The following TRIM49 variants were observed in gnomAD, a reference collection of about 807,000 sequenced individuals.
The protein encoded by TRIM49 is tripartite motif containing 49.
Under a neutral mutation model 27.4 loss-of-function variants are expected in TRIM49, and 5 were observed. The observed-to-expected ratio is 0.18, with a 90% CI of 0.10 to 0.38. TRIM49 has a LOEUF of 0.38. TRIM49 is among the 10% of genes least tolerant of loss of function. TRIM49 has a pLI of 1.00. For missense variants in TRIM49, 188 were observed against 487.5 expected (o/e 0.39, Z 5.79); for synonymous variants, 69 against 166.0 (o/e 0.42, Z 4.49).
the TRIM49 span, among the ~76,000 whole-genome samples, chr11:89,790,591 C>A: frequency 1.9e-4 from 29 of 151,972 alleles, no homozygotes; most frequent in Admixed American, 1.9e-3. Flanking sequence ...TGCTGTTCAG[C>A]AATATTCACT....
At chr11:89,803,859 G>A in intron 3 of TRIM49, 66 bp from the exon 4 acceptor site, 3 of 808,532 alleles carry the variant, frequency 3.7e-6, no homozygotes, top group Admixed American at 5.8e-5. Context: ...CCCAGAATGA[G>A]AGACAAATAA....
At chr11:89,804,763 T>C (rs1363047213) in intron 2 of TRIM49, among the ~76,000 whole-genome samples, 1 of 151,390 alleles carries the variant, frequency 6.6e-6, no homozygotes, top group African/African-American at 2.4e-5. Flanking sequence ...ATCTGGAAAT[T>C]GGGTTTTGAT....
At chr11:89,769,179 A>AAAAC in the TRIM49 span, among the ~76,000 whole-genome samples, 1 of 129,608 alleles carries the variant, frequency 7.7e-6, no homozygotes, top group Non-Finnish European at 1.5e-5. Context: ...ACTCTGTCTC[A>AAAAC]AAACAAACAA....
At chr11:89,786,817 C>T in the TRIM49 span, 2 of 139,158 alleles carry the variant, frequency 1.4e-5, no homozygotes, top group African/African-American at 3.3e-5. Flanking sequence ...TCATGACTTT[C>T]CTGCGCTGTT....
intron 2 of TRIM49, among the ~76,000 whole-genome samples, chr11:89,806,111 G>T (rs1017333813): frequency 6.0e-5 from 9 of 149,000 alleles, no homozygotes; most frequent in Admixed American, 2.6e-4. Flanking sequence ...ATAGCCTATT[G>T]TTCCTACAAT....
the TRIM49 span, chr11:89,782,175 G>C: frequency 7.8e-6 from 12 of 1,547,798 alleles, no homozygotes; most frequent in Non-Finnish European, 1.0e-5. Context: ...TCAAAGAGGA[G>C]CAATCACTAT....
downstream of TRIM49, among the ~76,000 whole-genome samples, chr11:89,793,728 G>A (rs530479370): frequency 9.2e-4 from 140 of 152,052 alleles, no homozygotes; most frequent in Non-Finnish European, 1.5e-3. Context: ...TTGATGGGAC[G>A]TATCTCAAAA....
At position 89,798,445 on chromosome 11, in the gene TRIM49, C is replaced by G; in HGVS notation, c.1044G>C (p.Gly348=). The change falls in exon 8 of 8, where the codon GGG becomes GGC. Residue 348 remains glycine (G), a synonymous_variant. Transcript: ENST00000329758. The part of the protein sequence containing the change: ...SGKYYWEVHV[G]DSWNWAFGVC... Reference sequence around the variant, plus strand: ...CACCAAAAGCCCAATTCCAGGAGTCCCCTACATGGACCTCCCAGTAATATT... The same window carrying G: ...CACCAAAAGCCCAATTCCAGGAGTCGCCTACATGGACCTCCCAGTAATATT... 6.2e-7 allele frequency: 1 copy of G among 1,600,324 alleles called. No individual in the cohort carries two copies. The highest frequency in any genetic ancestry group is 8.5e-7 in the Non-Finnish European group (1 of 1,176,854).
chr11:89,796,155 A>G (rs1202185389), downstream of TRIM49, among the ~76,000 whole-genome samples: 41 of 152,156 alleles, frequency 2.7e-4, no homozygotes, highest in Admixed American at 1.2e-3. Flanking sequence ...CAGCTTTCTC[A>G]GTTATTTTAA....
the TRIM49 span, chr11:89,778,109 T>C: frequency 4.1e-6 from 3 of 734,864 alleles, no homozygotes; most frequent in South Asian, 1.7e-5. Flanking sequence ...TAAAAGATAG[T>C]GATTTCATCT....
At position 89,797,910 on chromosome 11, in the gene TRIM49, T is replaced by C; in HGVS notation, c.*220A>G. 2 of 199,622 alleles carry C rather than the reference T, an allele frequency of 1.0e-5. No homozygotes were observed. Among genetic ancestry groups the C allele is most frequent in the Non-Finnish European group, 1.6e-5 (2 of 123,232 alleles). The allele number at this position is 199,622 out of a possible 1,614,324, so 12.4% of individuals were successfully genotyped here. A position where few individuals can be genotyped will look rare whatever the true frequency, so the allele number is the denominator to read the frequency against. On this transcript the variant is annotated 3_prime_UTR_variant, in exon 8 of 8. Transcript: ENST00000329758. The stretch of plus-strand genomic sequence containing the variant: ...TACTGTATGCCATGATCATGAATAA[T>C]GATTTTTCAAAAATTATTTAATAAA...
chr11:89,775,798 G>A, the TRIM49 span, among the ~76,000 whole-genome samples: 1 of 145,884 alleles, frequency 6.9e-6, no homozygotes. Flanking sequence ...AAATTTAATG[G>A]TTGATAATTT....
intron 2 of TRIM49, 58 bp downstream of exon 2, chr11:89,807,041 C>G (rs538198719): frequency 1.2e-3 from 179 of 151,190 alleles, no homozygotes; most frequent in African/African-American, 3.4e-3. Flanking sequence ...TTTTAACACT[C>G]TAATTTATTA....
At chr11:89,780,130 A>C in the TRIM49 span, among the ~76,000 whole-genome samples, 2 of 111,616 alleles carry the variant, frequency 1.8e-5, 1 homozygote, top group East Asian at 6.2e-4. Context: ...TTTGCTCCTA[A>C]AAGCATCAAT....
At chr11:89,793,919 A>G (rs1466500764), downstream of TRIM49, among the ~76,000 whole-genome samples, 14 of 151,716 alleles carry the variant, frequency 9.2e-5, 2 homozygotes, top group East Asian at 2.2e-3. Context: ...AATAAAGGGT[A>G]TTCAATTAGG....
At chr11:89,800,406 A>G (rs1377694623) in intron 6 of TRIM49, among the ~76,000 whole-genome samples, 2 of 149,374 alleles carry the variant, frequency 1.3e-5, no homozygotes, top group African/African-American at 5.1e-5. Context: ...CACCATTCAC[A>G]AAAAAAAACT....
chr11:89,770,055 G>A, the TRIM49 span, among the ~76,000 whole-genome samples: 2 of 127,834 alleles, frequency 1.6e-5, no homozygotes, highest in African/African-American at 7.4e-5. Flanking sequence ...GGATGCCGTC[G>A]AGGTCAATAG....
chr11:89,777,440 A>C, the TRIM49 span: 1 of 1,530,046 alleles, frequency 6.5e-7, no homozygotes, highest in Non-Finnish European at 8.8e-7. Flanking sequence ...AATAAGAATG[A>C]TGAGGGCCTG....
the TRIM49 span, among the ~76,000 whole-genome samples, chr11:89,769,868 T>G: frequency 1.0e-5 from 1 of 98,752 alleles, no homozygotes. Flanking sequence ...AAAATTCAGT[T>G]GAGCACGTTT....
Sources: allele counts gnomAD v4.1 joint callset (sites outside exome capture counted in the v4.1 genomes callset), GRCh38; gene constraint gnomAD v4.1.1; transcripts MANE v1.5; gene names NCBI Gene and HGNC (gene_info 2026-07-23, HGNC 2026-07-21).